Variants in ST6GALNAC3 observed in about 807,000 individuals in gnomAD.
ST6GALNAC3 encodes ST6 N-acetylgalactosaminide alpha-2,6-sialyltransferase 3, also known as alpha-N-acetylgalactosaminide alpha-2,6-sialyltransferase 3.
ST6GALNAC3 carries 25 observed loss-of-function variants against 32.7 expected under a neutral mutation model. The ratio of observed to expected loss-of-function variants is 0.76; its 90% CI spans 0.56 to 1.07. The LOEUF is 1.07. Among genes scored for constraint, ST6GALNAC3 ranks in the 50% least tolerant of loss-of-function variants. ST6GALNAC3 has a pLI of 0.00. For synonymous variants in ST6GALNAC3, 129 were observed against 133.1 expected, an observed-to-expected ratio of 0.97 and a Z score of 0.21; for missense variants, 355 against 382.4, an observed-to-expected ratio of 0.93 and a Z score of 0.60.
intron 3 of ST6GALNAC3, among the ~76,000 whole-genome samples, chr1:76,585,459 A>G (rs890483916): frequency 1.3e-5 from 2 of 152,042 alleles, no homozygotes; most frequent in Non-Finnish European, 2.9e-5. Context: ...CATGTTAGGC[A>G]TAAGAGGAAG....
chr1:76,151,227 G>C (rs1651020670), intron 1 of ST6GALNAC3, among the ~76,000 whole-genome samples: 3 of 152,172 alleles, frequency 2.0e-5, no homozygotes, highest in Admixed American at 6.5e-5. Context: ...GGATCTATCA[G>C]AACTGGGAAT....
chr1:76,616,609 TG>T (rs1648309281), intron 3 of ST6GALNAC3, among the ~76,000 whole-genome samples: 1 of 152,188 alleles, frequency 6.6e-6, no homozygotes, highest in Non-Finnish European at 1.5e-5. Flanking sequence ...GTCAGCCTAT[TG>T]GAAAAATGAC....
chr1:76,256,023 C>T (rs1657900539), intron 1 of ST6GALNAC3, among the ~76,000 whole-genome samples: 1 of 151,726 alleles, frequency 6.6e-6, no homozygotes, highest in Admixed American at 6.6e-5. Context: ...GTAACACACA[C>T]ACACACACAC....
intron 1 of ST6GALNAC3, among the ~76,000 whole-genome samples, chr1:76,159,685 T>C (rs1244665188): frequency 6.6e-6 from 1 of 152,238 alleles, no homozygotes; most frequent in Non-Finnish European, 1.5e-5. Context: ...TAAAAGCTTG[T>C]AATATGTTGG....
intron 1 of ST6GALNAC3, among the ~76,000 whole-genome samples, chr1:76,166,550 G>C (rs1652137624): frequency 6.6e-6 from 1 of 152,166 alleles, no homozygotes; most frequent in Non-Finnish European, 1.5e-5. Context: ...GTCAATGCTA[G>C]TTTAACAGGA....
rs749170623 is a variant in ST6GALNAC3 at position 76,405,587 on chromosome 1, ATG to A, written c.214-6403_214-6402del. Among the ~76,000 whole-genome samples, 323 of 135,964 alleles carry A rather than the reference ATG, an allele frequency of 2.4e-3. 1 individual carries two copies. The highest frequency in any genetic ancestry group is 7.4e-3 in the Middle Eastern group (2 of 270). 89.2% of individuals were successfully genotyped at this position (135,964 alleles called of 152,430 possible). On this transcript the variant is annotated intron_variant, in intron 2 of 4. Coordinates refer to ENST00000328299, the MANE Select transcript of ST6GALNAC3 (RefSeq NM_152996.4). ...CACATCAGCTAAGTGAAGGTAACAG[ATG>A]TGTGTGTGTGTGTGTGTATTTGTGT...
At chr1:76,190,435 A>G (rs1169979773) in intron 1 of ST6GALNAC3, among the ~76,000 whole-genome samples, 1 of 152,214 alleles carries the variant, frequency 6.6e-6, no homozygotes, top group Non-Finnish European at 1.5e-5. Context: ...GGTTTACATT[A>G]TATTGAAAAA....
At chr1:76,610,064 T>C (rs1427651713) in intron 3 of ST6GALNAC3, among the ~76,000 whole-genome samples, 1 of 152,214 alleles carries the variant, frequency 6.6e-6, no homozygotes, top group Non-Finnish European at 1.5e-5. Flanking sequence ...TTAGTATCAG[T>C]GTGATTCTGG....
chr1:76,350,527 T>C (rs1648889433), intron 2 of ST6GALNAC3, among the ~76,000 whole-genome samples: 1 of 152,202 alleles, frequency 6.6e-6, no homozygotes, highest in Non-Finnish European at 1.5e-5. Context: ...AACATTAGTT[T>C]GAATCCGATT....
chr1:76,130,152 A>G (rs1649517755), intron 1 of ST6GALNAC3, among the ~76,000 whole-genome samples: 1 of 152,204 alleles, frequency 6.6e-6, no homozygotes, highest in Non-Finnish European at 1.5e-5. Context: ...CATGAGTGAT[A>G]AAGATTTGCC....
chr1:76,331,264 A>G (rs1412681300), intron 2 of ST6GALNAC3, among the ~76,000 whole-genome samples: 1 of 152,212 alleles, frequency 6.6e-6, no homozygotes, highest in Non-Finnish European at 1.5e-5. Flanking sequence ...GGAAAAAAAT[A>G]CTGAGAAAGA....
chr1:76,399,984 G>A (rs1233068978), intron 2 of ST6GALNAC3, among the ~76,000 whole-genome samples: 4 of 151,994 alleles, frequency 2.6e-5, no homozygotes, highest in Non-Finnish European at 5.9e-5. Flanking sequence ...ATAATCTGTA[G>A]ATAATTATAT....
chr1:76,117,903 A>T (rs1005220575), intron 1 of ST6GALNAC3, among the ~76,000 whole-genome samples: 11 of 152,356 alleles, frequency 7.2e-5, no homozygotes, highest in African/African-American at 2.2e-4. Flanking sequence ...TGATAAAATG[A>T]GGTAATAATA....
intron 1 of ST6GALNAC3, among the ~76,000 whole-genome samples, chr1:76,276,815 C>T (rs1026296953): frequency 3.9e-5 from 6 of 152,142 alleles, no homozygotes; most frequent in South Asian, 2.1e-4. Flanking sequence ...CACATCTTTG[C>T]CAACACTTGG....
chr1:76,190,780 A>G (rs1653846536), intron 1 of ST6GALNAC3, among the ~76,000 whole-genome samples: 1 of 152,202 alleles, frequency 6.6e-6, no homozygotes, highest in African/African-American at 2.4e-5. Flanking sequence ...CATTGTTCTT[A>G]CGGACATCTA....
intron 1 of ST6GALNAC3, among the ~76,000 whole-genome samples, chr1:76,131,196 C>T (rs531489429): frequency 1.3e-4 from 20 of 152,342 alleles, no homozygotes; most frequent in South Asian, 6.2e-4. Context: ...AGAAACTGTA[C>T]TTGTTGGGTG....
chr1:76,163,925 C>T (rs1375990747), intron 1 of ST6GALNAC3, among the ~76,000 whole-genome samples: 1 of 152,142 alleles, frequency 6.6e-6, no homozygotes, highest in Non-Finnish European at 1.5e-5. Flanking sequence ...ACTCAAAAGC[C>T]ACCTACCTTT....
intron 2 of ST6GALNAC3, among the ~76,000 whole-genome samples, chr1:76,337,189 C>T (rs2100979134): frequency 6.6e-6 from 1 of 152,290 alleles, no homozygotes; most frequent in South Asian, 2.1e-4. Flanking sequence ...AGGGCTAACC[C>T]CCGCCCCTTG....
At chr1:76,255,780 C>T (rs141104681) in intron 1 of ST6GALNAC3, among the ~76,000 whole-genome samples, 321 of 151,610 alleles carry the variant, frequency 2.1e-3, no homozygotes, top group African/African-American at 7.1e-3. Context: ...TTCTCTCTTG[C>T]GTGGGAGGAA....
Sources: gnomAD v4.1 joint callset for allele counts (sites outside exome capture counted in the v4.1 genomes callset) on GRCh38, gnomAD v4.1.1 for gene constraint, MANE v1.5 for transcripts, NCBI Gene and HGNC (gene_info 2026-07-23, HGNC 2026-07-21) for gene names.